Variants in ATAD1 observed in about 807,000 individuals in gnomAD.
The protein encoded by ATAD1 is outer mitochondrial transmembrane helix translocase.
Under a neutral mutation model 42.7 loss-of-function variants are expected in ATAD1, and 18 were observed. The observed-to-expected ratio is 0.42, with a 90% CI of 0.29 to 0.63. The LOEUF (loss-of-function observed/expected upper bound fraction) is 0.63. Ranked by LOEUF, ATAD1 falls within the 20% of genes least tolerant of loss-of-function variation. ATAD1 has a pLI of 0.19. For synonymous variants in ATAD1, 132 were observed against 143.1 expected (o/e 0.92, Z 0.55); for missense variants, 294 against 440.4 (o/e 0.67, Z 2.98).
chr10:87,820,029 A>G (rs549556697), upstream of ATAD1, among the ~76,000 whole-genome samples: 8 of 152,348 alleles, frequency 5.3e-5, no homozygotes, highest in East Asian at 3.9e-4. Flanking sequence ...TTACTAGACT[A>G]TTTAGAGAGA....
chr10:87,825,382 T>C (rs1220519627), intron 1 of ATAD1, among the ~76,000 whole-genome samples: 1 of 149,270 alleles, frequency 6.7e-6, no homozygotes, highest in Non-Finnish European at 1.5e-5. Flanking sequence ...CAATCTCGGC[T>C]CACCGCAACC....
intron 2 of ATAD1, among the ~76,000 whole-genome samples, chr10:87,803,688 T>G (rs906955355): frequency 6.6e-6 from 1 of 152,222 alleles, no homozygotes; most frequent in African/African-American, 2.4e-5. Flanking sequence ...CCTGGGCACA[T>G]GTCATCAGGA....
At chr10:87,832,796 G>C (rs916963176) in intron 1 of ATAD1, 2 of 152,118 alleles carry the variant, frequency 1.3e-5, no homozygotes, top group Non-Finnish European at 2.9e-5. Flanking sequence ...CATGGGTTGA[G>C]TCTTCAGTTT....
intron 2 of ATAD1, among the ~76,000 whole-genome samples, chr10:87,798,212 T>A (rs149915359): frequency 1.4e-3 from 208 of 152,296 alleles, no homozygotes; most frequent in African/African-American, 4.7e-3. Flanking sequence ...TGTGGAGTCC[T>A]GCCCACAAGC....
At chr10:87,808,335 A>G (rs77115181) in intron 2 of ATAD1, among the ~76,000 whole-genome samples, 1 of 6,810 alleles carries the variant, frequency 1.5e-4, no homozygotes. Flanking sequence ...AGAAAAGCCA[A>G]AAAAAAAAAA....
At chr10:87,764,081 G>GA (rs1052808199) in intron 8 of ATAD1, among the ~76,000 whole-genome samples, 3 of 151,858 alleles carry the variant, frequency 2.0e-5, no homozygotes, top group African/African-American at 4.8e-5. Context: ...ATAAAGACAC[G>GA]AAAGACCAAG....
chr10:87,811,732 G>A (rs894112549), intron 2 of ATAD1, among the ~76,000 whole-genome samples: 1 of 152,114 alleles, frequency 6.6e-6, no homozygotes, highest in Non-Finnish European at 1.5e-5. Flanking sequence ...CTGTTCTAAC[G>A]ACTTCAACTA....
intron 6 of ATAD1, among the ~76,000 whole-genome samples, chr10:87,773,074 G>A (rs1035452392): frequency 1.3e-5 from 2 of 151,928 alleles, no homozygotes; most frequent in Non-Finnish European, 2.9e-5. Flanking sequence ...TAATACCTGG[G>A]TATGAAATAA....
At chr10:87,770,483 A>G (rs1263357037) in intron 7 of ATAD1, among the ~76,000 whole-genome samples, 1 of 152,208 alleles carries the variant, frequency 6.6e-6, no homozygotes, top group Non-Finnish European at 1.5e-5. Context: ...AAGGTAAACT[A>G]TGATATCTAC....
At chr10:87,784,340 G>T (rs975294781) in intron 5 of ATAD1, 130 bp downstream of exon 5, 1 of 778,176 alleles carries the variant, frequency 1.3e-6, no homozygotes, top group Non-Finnish European at 2.0e-6. Flanking sequence ...ATTATACATA[G>T]CATATTATGA....
rs564943319 is a variant in ATAD1 at position 87,774,831 on chromosome 10, T to C, written c.690+1490A>G. ...AGCCAGGTGTGGTGGCGTGCACCTGTAGTCCCAGAGACTTGGGGTGCTAAG... is the reference window on the plus strand; with the variant it reads ...AGCCAGGTGTGGTGGCGTGCACCTGCAGTCCCAGAGACTTGGGGTGCTAAG... On this transcript the variant is annotated intron_variant, in intron 6 of 9. Coordinates refer to ENST00000680024, the MANE Select transcript of ATAD1 (RefSeq NM_001321967.2). Among the ~76,000 whole-genome samples the C allele has an allele frequency of 2.8e-3, 424 of 152,196 alleles. 1 individual carries two copies. The highest frequency in any genetic ancestry group is 9.6e-3 in the African/African-American group (399 of 41,524).
chr10:87,757,015 T>C lies in ATAD1; in HGVS notation c.832-93A>G, dbSNP rs1854252985. The C allele has an allele frequency of 4.7e-6, 5 of 1,061,722 alleles. No individual in the cohort carries two copies. The Admixed American group carries it at 1.0e-4, about 21-fold the overall frequency. The allele number at this position is 1,061,722 out of a possible 1,614,324, so 65.8% of individuals were successfully genotyped here. A position where few individuals can be genotyped will look rare whatever the true frequency, so the allele number is the denominator to read the frequency against. ...CCCATCTTAAAGAAAGTTAAGCATA[T>C]TATAACTGCATGGGAGGAGAAACAA... is the stretch of plus-strand genomic sequence containing the variant. On this transcript the variant is annotated intron_variant, in intron 8 of 9. Coordinates refer to ENST00000680024, the MANE Select transcript of ATAD1 (RefSeq NM_001321967.2).
At chr10:87,761,072 T>TA (rs1408490725) in intron 8 of ATAD1, among the ~76,000 whole-genome samples, 9 of 138,990 alleles carry the variant, frequency 6.5e-5, no homozygotes, top group African/African-American at 2.1e-4. Context: ...TCATGTGAAT[T>TA]TAAAAAAAAA....
chr10:87,764,191 G>A (rs1446929108), intron 8 of ATAD1, among the ~76,000 whole-genome samples: 2 of 152,096 alleles, frequency 1.3e-5, no homozygotes, highest in African/African-American at 4.8e-5. Context: ...CGAGCGCAGT[G>A]GCTCATGCCT....
chr10:87,829,268 T>TATTTATTA (rs1554887142), intron 1 of ATAD1, among the ~76,000 whole-genome samples: 1 of 150,624 alleles, frequency 6.6e-6, no homozygotes, highest in Non-Finnish European at 1.5e-5. Flanking sequence ...TTTATTTATT[T>TATTTATTA]ATTATGAGAT....
intron 2 of ATAD1, among the ~76,000 whole-genome samples, chr10:87,803,398 A>G (rs1215436323): frequency 6.6e-6 from 1 of 152,260 alleles, no homozygotes; most frequent in East Asian, 1.9e-4. Context: ...GGAAAAGTCA[A>G]GCTGGGAATT....
chr10:87,796,394 T>C (rs2131963207), intron 2 of ATAD1, among the ~76,000 whole-genome samples: 1 of 152,340 alleles, frequency 6.6e-6, no homozygotes, highest in South Asian at 2.1e-4. Context: ...TTAGAGAAGC[T>C]AGTAAGAAAT....
intron 1 of ATAD1, among the ~76,000 whole-genome samples, chr10:87,840,883 G>T (rs1040155213): frequency 1.3e-5 from 2 of 152,010 alleles, no homozygotes; most frequent in Non-Finnish European, 2.9e-5. Flanking sequence ...TTTATCTCAG[G>T]GCTATATTAT....
chr10:87,798,625 G>GGTGTGTGTGTGT lies in ATAD1; in HGVS notation c.163-5882_163-5871dup, dbSNP rs71022506. On this transcript the variant is annotated intron_variant, in intron 2 of 9. Transcript: ENST00000680024. ...AAGTTCCAAAGTAAAAGCTATAGGG[G>GGTGTGTGTGTGT]GTGTGTGTGTGTGTGTGTGTGTGTG... Among the ~76,000 whole-genome samples the GGTGTGTGTGTGT allele has an allele frequency of 6.9e-4, 86 of 124,922 alleles. 1 individual carries two copies. The Middle Eastern group carries it at 0.012, about 18-fold the overall frequency. 82.0% of individuals were successfully genotyped at this position (124,922 alleles called of 152,430 possible). A position where few individuals can be genotyped will look rare whatever the true frequency, so the allele number is the denominator to read the frequency against.
Sources: gnomAD v4.1 joint callset for allele counts (sites outside exome capture counted in the v4.1 genomes callset) on GRCh38, gnomAD v4.1.1 for gene constraint, MANE v1.5 for transcripts, NCBI Gene and HGNC (gene_info 2026-07-23, HGNC 2026-07-21) for gene names.